Variants in ATP2C2 observed in about 807,000 individuals in gnomAD.
The protein encoded by ATP2C2 is calcium-transporting ATPase type 2C member 2.
ATP2C2 carries 171 observed loss-of-function variants against 110.8 expected under a neutral mutation model. The observed-to-expected ratio is 1.54, with a 90% confidence interval of 1.36 to 1.75. The LOEUF is 1.75. Ranked by LOEUF, ATP2C2 falls within the 40% of genes most tolerant of loss-of-function variation. The pLI, the probability that ATP2C2 is intolerant of heterozygous loss-of-function variation, is 0.00. For missense variants in ATP2C2, 1,963 were observed against 1,235.0 expected (o/e 1.59, Z -8.84); for synonymous variants, 804 against 508.4 (o/e 1.58, Z -7.82).
At chr16:84,447,738 TATATATA>T (rs979095165) in intron 16 of ATP2C2, among the ~76,000 whole-genome samples, 9 of 145,924 alleles carry the variant, frequency 6.2e-5, no homozygotes, top group African/African-American at 1.0e-4. Context: ...ATATATTAGT[TATATATA>T]ATATATAATA....
At position 84,411,013 on chromosome 16, in the gene ATP2C2, C is replaced by T. The variant is rs1597786312; in HGVS notation, c.515+248C>T. 7 of 549,522 alleles carry T rather than the reference C, an allele frequency of 1.3e-5. No individual in the cohort carries two copies. The East Asian group carries it at 2.2e-4, about 17-fold the overall frequency. The allele number at this position is 549,522 out of a possible 1,614,324, so 34.0% of individuals were successfully genotyped here. ...AAATCAGGGTGCCTAGCCTGAGGAC[C>T]ACAGGTAGCAGGAGTGACTCTGGGA... On this transcript the variant is annotated intron_variant, in intron 6 of 26. Transcript: ENST00000262429.
chr16:84,381,555 C>T (rs780118400), intron 1 of ATP2C2, among the ~76,000 whole-genome samples: 17 of 151,796 alleles, frequency 1.1e-4, no homozygotes, highest in East Asian at 7.7e-4. Context: ...CCAGCCTGGA[C>T]GACAGAGCAA....
chr16:84,377,434 T>C (rs905419529), intron 1 of ATP2C2, among the ~76,000 whole-genome samples: 21 of 152,008 alleles, frequency 1.4e-4, no homozygotes, highest in African/African-American at 4.6e-4. Flanking sequence ...CACAGCTCAT[T>C]TATTGTCTCA....
At chr16:84,431,934 C>G (rs1192921111) in intron 11 of ATP2C2, among the ~76,000 whole-genome samples, 1 of 152,048 alleles carries the variant, frequency 6.6e-6, no homozygotes, top group East Asian at 1.9e-4. Flanking sequence ...GGACGCCGAG[C>G]TGTGCTGGGG....
intron 26 of ATP2C2, chr16:84,462,810 C>CGAG: frequency 6.5e-6 from 1 of 153,096 alleles, no homozygotes; most frequent in African/African-American, 2.4e-5. Context: ...AGGCAGCCCC[C>CGAG]ATGGGCCCAC....
chr16:84,387,463 G>A (rs1904381583), intron 1 of ATP2C2, among the ~76,000 whole-genome samples: 1 of 152,130 alleles, frequency 6.6e-6, no homozygotes, highest in Non-Finnish European at 1.5e-5. Flanking sequence ...AGTGAGCCGA[G>A]ATTGCGCCAT....
At position 84,460,666 on chromosome 16, in the gene ATP2C2, G is replaced by C. The variant is rs1911219421; in HGVS notation, c.2346G>C (p.Glu782Asp). 6.2e-7 allele frequency: 1 copy of C among 1,614,228 alleles called. No individual in the cohort carries two copies. Among genetic ancestry groups the C allele is most frequent in the South Asian group, 1.1e-5 (1 of 91,086 alleles). ...TTGTTCGGAGCAGCTTGGGGGTAGAGCCCGTTGACAAAGACGCCTTCAGGC... is the reference window on the plus strand; with the variant it reads ...TTGTTCGGAGCAGCTTGGGGGTAGACCCCGTTGACAAAGACGCCTTCAGGC... The part of the protein sequence containing the change: ...DGPPAQSLGV[E>D]PVDKDAFRQP... Residue 782 changes from glutamate to aspartate, a missense_variant, in exon 24 of 27, where the codon GAG (glutamate) becomes GAC (aspartate). Coordinates refer to ENST00000262429, the MANE Select transcript of ATP2C2 (RefSeq NM_014861.4).
At chr16:84,448,415 T>A in intron 16 of ATP2C2, 118 bp from the exon 17 acceptor site, 1 of 1,284,350 alleles carries the variant, frequency 7.8e-7, no homozygotes, top group South Asian at 1.6e-5. Context: ...CTATGATAAA[T>A]AACTCCGCTG....
intron 7 of ATP2C2, among the ~76,000 whole-genome samples, chr16:84,418,080 C>T (rs1394663339): frequency 4.6e-5 from 7 of 152,256 alleles, no homozygotes; most frequent in Admixed American, 4.6e-4. Context: ...GCTGGTACAG[C>T]CAGCAAGCCT....
chr16:84,454,964 T>C lies in ATP2C2; in HGVS notation c.2127T>C (p.Asp709=). Reference sequence around the variant, plus strand: ...AGGCCGCCAACATGATCCTGGTGGATGATGACTTCTCAGCCATCATGTAAG... The same window carrying C: ...AGGCCGCCAACATGATCCTGGTGGACGATGACTTCTCAGCCATCATGTAAG... ...SKEAANMILV[D]DDFSAIMNAV... The change falls in exon 21 of 27, where the codon GAT becomes GAC. Residue 709 remains aspartate, a synonymous_variant. Coordinates refer to ENST00000262429, the MANE Select transcript of ATP2C2 (RefSeq NM_014861.4). The C allele has an allele frequency of 6.2e-7, 1 of 1,613,714 alleles. No homozygotes were observed. The highest frequency in any genetic ancestry group is 8.5e-7 in the Non-Finnish European group (1 of 1,179,896).
chr16:84,377,522 A>T (rs1216603653), intron 1 of ATP2C2, among the ~76,000 whole-genome samples: 3 of 151,972 alleles, frequency 2.0e-5, no homozygotes, highest in Admixed American at 6.6e-5. Context: ...TGGTTTGCAC[A>T]TGGCTGCCTT....
chr16:84,374,783 A>G (rs964585668), intron 1 of ATP2C2, among the ~76,000 whole-genome samples: 1 of 152,216 alleles, frequency 6.6e-6, no homozygotes, highest in African/African-American at 2.4e-5. Flanking sequence ...TATATCTTCA[A>G]GGGTTGACAT....
chr16:84,409,978 G>T (rs571258520), intron 4 of ATP2C2, among the ~76,000 whole-genome samples: 1 of 152,146 alleles, frequency 6.6e-6, no homozygotes, highest in Non-Finnish European at 1.5e-5. Context: ...GGGAGGCCTG[G>T]GGGGTGGATC....
intron 10 of ATP2C2, among the ~76,000 whole-genome samples, chr16:84,423,610 A>G (rs1437933472): frequency 1.3e-5 from 2 of 152,194 alleles, no homozygotes; most frequent in African/African-American, 4.8e-5. Context: ...TTGCTGCTCT[A>G]TCTTCCTCTG....
Position 84,460,377 on chromosome 16 carries a change from C to T in ATP2C2, c.2334-277C>T, listed in dbSNP as rs1417984520. 2.2e-5 allele frequency: 11 copies of T among 505,536 alleles called. No individual in the cohort carries two copies. In the East Asian group the frequency reaches 3.7e-4, roughly 17 times the overall value. 31.3% of individuals were successfully genotyped at this position (505,536 alleles called of 1,614,324 possible). On this transcript the variant is annotated intron_variant, in intron 23 of 26. Transcript: ENST00000262429. ...GGGGTCCCCTCGGGGTGATGGAGAT[C>T]ATCTGGGTGTATGGAACTGTGTGTG...
intron 25 of ATP2C2, 84 bp from the exon 26 acceptor site, chr16:84,461,904 G>A (rs1911395177): frequency 1.2e-6 from 2 of 1,606,394 alleles, no homozygotes; most frequent in South Asian, 1.1e-5. Context: ...AGCGGCTCTG[G>A]CTCAGCGTGG....
In ATP2C2 at chr16:84,451,946, G is replaced by C. The variant is rs1489920352; in HGVS notation, c.1686G>C (p.Glu562Asp). Reference protein sequence around the residue: ...LRVLALASGPELGRLTFLGLV... With the variant: ...LRVLALASGPDLGRLTFLGLV... ...TGCTGGCCCTGGCTTCTGGGCCCGA[G>C]CTGGGGCGGCTGACGTTTCTCGGTC... The change falls in exon 18 of 27, where the codon GAG becomes GAC. Residue 562 changes from glutamate to aspartate, a missense_variant. Physicochemically the swap from Glu to Asp is conservative, Grantham distance 45. Coordinates refer to ENST00000262429, the MANE Select transcript of ATP2C2 (RefSeq NM_014861.4). The C allele has an allele frequency of 1.2e-6, 2 of 1,613,918 alleles. No individual in the cohort carries two copies. Among genetic ancestry groups the C allele is most frequent in the Non-Finnish European group, 1.7e-6 (2 of 1,180,026 alleles).
At chr16:84,417,549 G>A (rs11643072) in intron 7 of ATP2C2, among the ~76,000 whole-genome samples, 26,390 of 152,128 alleles carry the variant, frequency 0.17, 2,639 homozygotes, top group African/African-American at 0.27. Flanking sequence ...TAGACCCCAG[G>A]TAACTTCCTT....
chr16:84,452,704 G>A (rs2037496420), intron 18 of ATP2C2, among the ~76,000 whole-genome samples: 1 of 151,976 alleles, frequency 6.6e-6, no homozygotes. Context: ...TCACTGTGTT[G>A]CCCAGGCTGG....
Sources: gnomAD v4.1 joint callset for allele counts (sites outside exome capture counted in the v4.1 genomes callset) on GRCh38, gnomAD v4.1.1 for gene constraint, MANE v1.5 for transcripts, NCBI Gene and HGNC (gene_info 2026-07-23, HGNC 2026-07-21) for gene names.